The following GSDME variants were observed in gnomAD, a reference collection of about 807,000 sequenced individuals.
GSDME encodes the protein gasdermin E.
A neutral mutation model predicts 47.5 loss-of-function variants in GSDME; 44 were observed. The ratio of observed to expected loss-of-function variants is 0.93; its 90% confidence interval spans 0.73 to 1.19. GSDME has a LOEUF of 1.19. GSDME is among the 50% of genes most tolerant of loss of function. The probability of loss-of-function intolerance (pLI) is 0.00; values close to 1 mark genes in which losing one functional copy is unlikely to be tolerated. For missense variants in GSDME, 663 were observed against 604.2 expected, an observed-to-expected ratio of 1.10 and a Z score of -1.02; for synonymous variants, 258 against 252.8, an observed-to-expected ratio of 1.02 and a Z score of -0.20.
At chr7:24,722,496 G>T (rs540777111) in intron 3 of GSDME, among the ~76,000 whole-genome samples, 2 of 152,266 alleles carry the variant, frequency 1.3e-5, no homozygotes, top group South Asian at 4.1e-4. Context: ...GCAGATTCTT[G>T]AACGTCTGTC....
At chr7:24,776,072 C>G in the GSDME span, among the ~76,000 whole-genome samples, 1 of 147,708 alleles carries the variant, frequency 6.8e-6, no homozygotes, top group Non-Finnish European at 1.5e-5. Flanking sequence ...CCCAGCTACT[C>G]GGAAGGCTGA....
At chr7:24,758,731 G>A (rs942100094), upstream of GSDME, among the ~76,000 whole-genome samples, 2 of 152,014 alleles carry the variant, frequency 1.3e-5, no homozygotes, top group African/African-American at 2.4e-5. The surrounding 1 kb of genome is among the most constrained non-coding windows in gnomAD (Gnocchi z 4.6). Context: ...TAAAAGTGCT[G>A]CCCACCCACC....
At chr7:24,704,238 T>C (rs567688114) in intron 8 of GSDME, 3 of 152,380 alleles carry the variant, frequency 2.0e-5, no homozygotes, top group African/African-American at 4.8e-5. Context: ...TGCTCTTCCA[T>C]GTACCAATTC....
intron 4 of GSDME, among the ~76,000 whole-genome samples, chr7:24,718,544 T>C (rs754406470): frequency 6.6e-6 from 1 of 152,220 alleles, no homozygotes; most frequent in Non-Finnish European, 1.5e-5. Context: ...GGGATTCTTT[T>C]GCATTTGGCC....
intron 8 of GSDME, 161 bp from the exon 9 acceptor site, chr7:24,702,994 G>A: frequency 3.3e-6 from 2 of 614,050 alleles, no homozygotes; most frequent in Admixed American, 4.3e-5. Flanking sequence ...GGTGCTAAAT[G>A]GGCAGCAAAG....
chr7:24,755,103 AAG>A (rs1379255811), intron 1 of GSDME, among the ~76,000 whole-genome samples: 1 of 152,244 alleles, frequency 6.6e-6, no homozygotes, highest in African/African-American at 2.4e-5. Flanking sequence ...ACAGCAAAGA[AAG>A]AAGCAGCCCT....
chr7:24,706,420 C>A, intron 7 of GSDME, 44 bp from the exon 8 acceptor site: 2 of 1,587,270 alleles, frequency 1.3e-6, no homozygotes, highest in South Asian at 2.3e-5. Flanking sequence ...AGCTGGAGAC[C>A]AAGCGCCACA....
At position 24,752,677 on chromosome 7, in the gene GSDME, C is replaced by T. The variant is rs115832811; in HGVS notation, c.-19-2884G>A. Among the ~76,000 whole-genome samples the T allele has an allele frequency of 5.9e-3, 903 of 152,294 alleles. 10 individuals are homozygous for T. Among genetic ancestry groups the T allele is most frequent in the African/African-American group, 0.02 (829 of 41,548 alleles). Reference sequence around the variant, plus strand: ...TACTTTGCCAAACATGGGACTGGGTCTCCCTGAGGGCCTGTGAGAACTCGT... The same window carrying T: ...TACTTTGCCAAACATGGGACTGGGTTTCCCTGAGGGCCTGTGAGAACTCGT... On this transcript the variant is annotated intron_variant, in intron 1 of 9. Coordinates refer to ENST00000645220, the MANE Select transcript of GSDME (RefSeq NM_001127453.2).
In GSDME at chr7:24,732,099, C is replaced by G. The variant is rs189912911; in HGVS notation, c.404+12463G>C. Among the ~76,000 whole-genome samples, 2 of 152,278 alleles carry G rather than the reference C, an allele frequency of 1.3e-5. No individual in the cohort carries two copies. Among genetic ancestry groups the G allele is most frequent in the East Asian group, 3.9e-4 (2 of 5,188 alleles). ...AGAAACACAGCAAAAAGAGAATCAG[C>G]GACAGGACCAGAATCAGGGAACTCA... On this transcript the variant is annotated intron_variant, in intron 3 of 9. Coordinates refer to ENST00000645220, the MANE Select transcript of GSDME (RefSeq NM_001127453.2). The surrounding 1 kb of genome is among the most constrained non-coding windows in gnomAD (Gnocchi z 4.8).
At chr7:24,792,109 T>C in the GSDME span, among the ~76,000 whole-genome samples, 2 of 152,242 alleles carry the variant, frequency 1.3e-5, no homozygotes, top group African/African-American at 4.8e-5. Context: ...TGCACAAGCA[T>C]AACAATTGCT....
In GSDME at chr7:24,721,971, G is replaced by C. The variant is rs1789805776; in HGVS notation, c.405-2753C>G. On this transcript the variant is annotated intron_variant, in intron 3 of 9. Transcript: ENST00000645220. This position sits in a 1 kb window ranked among gnomAD's most constrained non-coding sequence, Gnocchi z 4.1. ...TCACCTCCTCGGGGAAGCATTCCCTGCACCCCCATCATGCTATCACACCCT... is the reference window on the plus strand; with the variant it reads ...TCACCTCCTCGGGGAAGCATTCCCTCCACCCCCATCATGCTATCACACCCT... Among the ~76,000 whole-genome samples, 1 of 152,174 alleles carries C rather than the reference G, an allele frequency of 6.6e-6. No homozygotes were observed. The highest frequency in any genetic ancestry group is 2.1e-4 in the South Asian group (1 of 4,826).
Position 24,744,903 on chromosome 7 carries a change from G to A in GSDME, c.212-149C>T. The A allele has an allele frequency of 1.2e-6, 1 of 832,064 alleles. No individual in the cohort carries two copies. The highest frequency in any genetic ancestry group is 1.4e-5 in the South Asian group (1 of 69,104). 51.5% of individuals were successfully genotyped at this position (832,064 alleles called of 1,614,324 possible). ...AGCCGGCAGCCATGCTGTGTGTGTGGGCAAGAAAACAGGGCAGCACGTGTG... is the reference window on the plus strand; with the variant it reads ...AGCCGGCAGCCATGCTGTGTGTGTGAGCAAGAAAACAGGGCAGCACGTGTG... On this transcript the variant is annotated intron_variant, in intron 2 of 9. Coordinates refer to ENST00000645220, the MANE Select transcript of GSDME (RefSeq NM_001127453.2). This position sits in a 1 kb window ranked among gnomAD's most constrained non-coding sequence, Gnocchi z 4.5.
chr7:24,704,691 G>A (rs1474224643), intron 8 of GSDME: 2 of 151,478 alleles, frequency 1.3e-5, no homozygotes, highest in Non-Finnish European at 2.9e-5. Context: ...TGTCAACTGC[G>A]TGGCCTGCTG....
the GSDME span, among the ~76,000 whole-genome samples, chr7:24,766,503 T>A: frequency 0.065 from 9,851 of 152,090 alleles, 673 homozygotes; most frequent in African/African-American, 0.18. This position sits in a 1 kb window ranked among gnomAD's most constrained non-coding sequence, Gnocchi z 4.2. Flanking sequence ...CCTCCCTGTG[T>A]CCATGTGTTC....
At chr7:24,782,321 G>A in the GSDME span, among the ~76,000 whole-genome samples, 2 of 150,728 alleles carry the variant, frequency 1.3e-5, no homozygotes, top group Admixed American at 1.3e-4. Flanking sequence ...GCAGTGTTTG[G>A]TTTTTTGTCC....
intron 3 of GSDME, among the ~76,000 whole-genome samples, chr7:24,737,440 C>T (rs1229924009): frequency 2.0e-5 from 3 of 151,144 alleles, no homozygotes; most frequent in Admixed American, 6.6e-5. Flanking sequence ...AAGATTGAAC[C>T]GTGAAGAAAT....
At chr7:24,699,357 T>G in intron 9 of GSDME, 98 bp from the exon 10 acceptor site, 4 of 865,372 alleles carry the variant, frequency 4.6e-6, no homozygotes, top group Non-Finnish European at 5.8e-6. Context: ...GGAAAAAACT[T>G]TTTGAGATGG....
intron 2 of GSDME, among the ~76,000 whole-genome samples, chr7:24,747,649 T>C (rs1164119118): frequency 1.1e-4 from 16 of 151,994 alleles, no homozygotes; most frequent in Admixed American, 7.9e-4. Flanking sequence ...AAAATGCTCA[T>C]TGCAGCCTTA....
At position 24,710,209 on chromosome 7, in the gene GSDME, C is replaced by T. The variant is rs1789291370; in HGVS notation, c.862+15G>A. On this transcript the variant is annotated intron_variant, in intron 6 of 9. Transcript: ENST00000645220. ...GGCCCTCAACTGCCCACTACTCCTG[C>T]CCTGCTGGCAATACCTTGCTTTAAA... 6.2e-7 allele frequency: 1 copy of T among 1,612,934 alleles called. No homozygotes were observed.
Sources: gnomAD v4.1 joint callset for allele counts (sites outside exome capture counted in the v4.1 genomes callset) on GRCh38, gnomAD v4.1.1 for gene constraint, Gnocchi (gnomAD v3.1) non-coding constraint, MANE v1.5 for transcripts, NCBI Gene and HGNC (gene_info 2026-07-23, HGNC 2026-07-21) for gene names.